Variants in ECSIT observed in about 807,000 individuals in gnomAD.
ECSIT encodes evolutionarily conserved signaling intermediate in Toll pathway, mitochondrial.
In ECSIT, 29 loss-of-function variants were observed where a neutral mutation model predicts 36.8. The ratio of observed to expected loss-of-function variants is 0.79; its 90% CI spans 0.59 to 1.08. The LOEUF (loss-of-function observed/expected upper bound fraction) is 1.08, where lower values mean the gene tolerates loss of function less well. ECSIT is among the 50% of genes least tolerant of loss of function. The pLI is 0.00. For missense variants in ECSIT, 542 were observed against 581.0 expected (o/e 0.93, Z 0.69); for synonymous variants, 231 against 234.8 (o/e 0.98, Z 0.15).
intron 1 of ECSIT, chr19:11,525,778 T>C (rs1017062093): frequency 6.9e-6 from 1 of 143,938 alleles, no homozygotes. Flanking sequence ...ATTAGCCGGG[T>C]GTGGTGTATG....
intron 4 of ECSIT, among the ~76,000 whole-genome samples, chr19:11,508,765 G>A (rs940229219): frequency 6.6e-6 from 1 of 152,114 alleles, no homozygotes; most frequent in African/African-American, 2.4e-5. Flanking sequence ...TGTTGGCCTG[G>A]CTGGTCTCAA....
At chr19:11,522,595 T>C in intron 1 of ECSIT, 1 of 582,672 alleles carries the variant, frequency 1.7e-6, no homozygotes. Flanking sequence ...ATGCCTGTAA[T>C]CCCAGCTACT....
intron 2 of ECSIT, among the ~76,000 whole-genome samples, chr19:11,518,450 A>C (rs1972040508): frequency 6.6e-6 from 1 of 151,850 alleles, no homozygotes; most frequent in East Asian, 1.9e-4. Context: ...TTAGCTGGGC[A>C]TGGTGGCTCA....
chr19:11,526,480 C>T (rs559400100), intron 1 of ECSIT, among the ~76,000 whole-genome samples: 20 of 152,184 alleles, frequency 1.3e-4, no homozygotes, highest in Admixed American at 3.9e-4. Context: ...CCTATCCAAT[C>T]GCACCACTAC....
chr19:11,523,197 C>T (rs1972143715), intron 1 of ECSIT, among the ~76,000 whole-genome samples: 2 of 152,100 alleles, frequency 1.3e-5, no homozygotes, highest in African/African-American at 2.4e-5. Flanking sequence ...AATGTGAAGA[C>T]GATGAGAATG....
At chr19:11,517,747 C>G (rs957731584) in intron 2 of ECSIT, among the ~76,000 whole-genome samples, 4 of 152,006 alleles carry the variant, frequency 2.6e-5, no homozygotes, top group Non-Finnish European at 5.9e-5. Flanking sequence ...ATGCATAGTG[C>G]GGGGCCGGGC....
chr19:11,519,676 C>T lies in ECSIT; in HGVS notation c.-23-483G>A, dbSNP rs892436762. ...AAATCTGTGTCACTCCAACAAGAATCCCTGTACCTGGCCAGGCGCGGTGGC... is the reference window on the plus strand; with the variant it reads ...AAATCTGTGTCACTCCAACAAGAATTCCTGTACCTGGCCAGGCGCGGTGGC... On this transcript the variant is annotated intron_variant, in intron 1 of 7. Transcript: ENST00000270517. The surrounding 1 kb of genome is among the most constrained non-coding windows in gnomAD (Gnocchi z 4.4). Among the ~76,000 whole-genome samples the T allele has an allele frequency of 2.6e-5, 4 of 151,978 alleles. No individual in the cohort carries two copies. The highest frequency in any genetic ancestry group is 9.7e-5 in the African/African-American group (4 of 41,382).
intron 4 of ECSIT, among the ~76,000 whole-genome samples, chr19:11,508,382 G>GGTTTTTTTTTTTTT (rs1418652426): frequency 8.6e-6 from 1 of 115,812 alleles, no homozygotes; most frequent in African/African-American, 5.8e-5. Context: ...ACTTAATTCC[G>GGTTTTTTTTTTTTT]ATTTTTTTTT....
At chr19:11,509,596 C>T (rs570770274) in intron 4 of ECSIT, among the ~76,000 whole-genome samples, 6 of 151,150 alleles carry the variant, frequency 4.0e-5, no homozygotes, top group African/African-American at 9.7e-5. Context: ...GGTGAAACCC[C>T]GTCTCTACTA....
At chr19:11,522,329 C>A in intron 1 of ECSIT, 1 of 722,056 alleles carries the variant, frequency 1.4e-6, no homozygotes, top group East Asian at 2.6e-5. Flanking sequence ...CCCACCTGGA[C>A]CCATTCCATC....
chr19:11,514,839 A>AT (rs35947860), intron 2 of ECSIT, among the ~76,000 whole-genome samples: 9,466 of 136,248 alleles, frequency 0.069, 439 homozygotes, highest in East Asian at 0.22. Context: ...TTTGCTTGTA[A>AT]TTTTTTTTTT....
rs1474670818 is a variant in ECSIT at position 11,507,475 on chromosome 19, C to G, written c.1033G>C (p.Glu345Gln). 1 of 1,613,940 alleles carries G rather than the reference C, an allele frequency of 6.2e-7. No homozygotes were observed. Among genetic ancestry groups the G allele is most frequent in the Admixed American group, 1.7e-5 (1 of 59,962 alleles). The change falls in exon 7 of 8, where the codon GAG becomes CAG. Residue 345 changes from glutamate (E) to glutamine (Q), a missense_variant. Glu to Gln is a conservative substitution (Grantham distance 29). Coordinates refer to ENST00000270517, the MANE Select transcript of ECSIT (RefSeq NM_016581.5). ...EYVRSGWDNY[E>Q]FDINEVEEGP... ...TTTTTACCTTCATTGATGTCAAACT[C>G]GTAGTTGTCCCAGCCACTCCTCACA...
chr19:11,506,300 C>T lies in ECSIT; in HGVS notation c.1180G>A (p.Ala394Thr). The stretch of plus-strand genomic sequence containing the variant: ...GTCTGGAGCTCCCGGGTGGACCCGG[C>T]GAGGCGGAAGACCACGGGGATCTGG... ...LAQIPVVFRL[A>T]GSTRELQTSS... Residue 394 changes from alanine (A) to threonine (T), a missense_variant, in exon 8 of 8, where the codon GCC becomes ACC. Coordinates refer to ENST00000270517, the MANE Select transcript of ECSIT (RefSeq NM_016581.5). 6.2e-7 allele frequency: 1 copy of T among 1,612,958 alleles called. No individual in the cohort carries two copies. Among genetic ancestry groups the T allele is most frequent in the South Asian group, 1.1e-5 (1 of 91,084 alleles).
Position 11,522,425 on chromosome 19 carries a change from C to T in ECSIT, c.-23-3232G>A, listed in dbSNP as rs376548220. ...TTCCAAGACTCCAAGATCAAGTTCC[C>T]GCTGCCCCACCAGGTCCTGCGCCAT... On this transcript the variant is annotated intron_variant, in intron 1 of 7. Coordinates refer to ENST00000270517, the MANE Select transcript of ECSIT (RefSeq NM_016581.5). 1.7e-4 allele frequency: 249 copies of T among 1,436,062 alleles called. 1 individual carries two copies. The Admixed American group carries it at 2.9e-3, about 17-fold the overall frequency. 89.0% of individuals were successfully genotyped at this position (1,436,062 alleles called of 1,614,324 possible).
intron 1 of ECSIT, among the ~76,000 whole-genome samples, chr19:11,520,699 A>T (rs1351467031): frequency 6.8e-6 from 1 of 147,094 alleles, no homozygotes; most frequent in Admixed American, 6.9e-5. Context: ...TTTTTTGTAG[A>T]GATGGGGTTT....
In ECSIT at chr19:11,514,177, G is replaced by C. The variant is rs549297657; in HGVS notation, c.141C>G (p.Ala47=). The C allele has an allele frequency of 2.7e-5, 44 of 1,610,810 alleles. No individual in the cohort carries two copies. The highest frequency in any genetic ancestry group is 3.7e-5 in the Non-Finnish European group (44 of 1,178,064). The change falls in exon 3 of 8, where the codon GCC becomes GCG. Residue 47 remains alanine, a synonymous_variant. Coordinates refer to ENST00000270517, the MANE Select transcript of ECSIT (RefSeq NM_016581.5). ...GAACCAGGGACTGTTCAGAGCTATG[G>C]GCAGCTGCGCTGCAGTGGAGGCCCC... is the stretch of plus-strand genomic sequence containing the variant. ...LPRGLHCSAA[A]HSSEQSLVPS...
intron 2 of ECSIT, among the ~76,000 whole-genome samples, chr19:11,514,879 C>T (rs1483804719): frequency 6.6e-6 from 1 of 150,752 alleles, no homozygotes; most frequent in Middle Eastern, 3.2e-3. Context: ...CATTCTGTCA[C>T]CCATGCTGCA....
At chr19:11,520,806 C>A (rs370832331) in intron 1 of ECSIT, among the ~76,000 whole-genome samples, 3 of 150,350 alleles carry the variant, frequency 2.0e-5, no homozygotes, top group Non-Finnish European at 4.4e-5. Context: ...CCACCGCACC[C>A]GGGCTTTTTT....
intron 1 of ECSIT, chr19:11,522,550 TAAAAA>T: frequency 1.8e-6 from 1 of 569,914 alleles, no homozygotes; most frequent in Non-Finnish European, 3.1e-6. Context: ...AACGCCCCGG[TAAAAA>T]AAAAAAAAAT....
Sources: allele counts gnomAD v4.1 joint callset (sites outside exome capture counted in the v4.1 genomes callset), GRCh38; gene constraint gnomAD v4.1.1; non-coding constraint Gnocchi (gnomAD v3.1); transcripts MANE v1.5; gene names NCBI Gene and HGNC (gene_info 2026-07-23, HGNC 2026-07-21).